The following SERHL2 variants were observed in gnomAD, a reference collection of about 807,000 sequenced individuals.
The protein encoded by SERHL2 is serine hydrolase-like protein 2.
SERHL2 carries 29 observed loss-of-function variants against 25.5 expected under a neutral mutation model. The ratio of observed to expected loss-of-function variants is 1.14; its 90% CI spans 0.85 to 1.55. The LOEUF (loss-of-function observed/expected upper bound fraction) is 1.55, where lower values mean the gene tolerates loss of function less well. Among genes scored for constraint, SERHL2 ranks in the 40% most tolerant of loss-of-function variants. The probability of loss-of-function intolerance (pLI) is 0.00; values close to 1 mark genes in which losing one functional copy is unlikely to be tolerated. For missense variants in SERHL2, 240 were observed against 252.3 expected (o/e 0.95, Z 0.33); for synonymous variants, 95 against 103.5 (o/e 0.92, Z 0.50).
rs770959310 is a variant in SERHL2 at position 42,574,214 on chromosome 22, C to G, written c.*159C>G. The G allele has an allele frequency of 1.6e-6, 1 of 642,986 alleles. No individual in the cohort carries two copies. Among genetic ancestry groups the G allele is most frequent in the East Asian group, 2.8e-5 (1 of 35,674 alleles). 39.8% of individuals were successfully genotyped at this position (642,986 alleles called of 1,614,324 possible). A position where few individuals can be genotyped will look rare whatever the true frequency, so the allele number is the denominator to read the frequency against. Reference sequence around the variant, plus strand: ...GTCAGGGGAAGGAGCGAGATTCCAACTTCAACATCTGTGACCTCAAGGGGG... The same window carrying G: ...GTCAGGGGAAGGAGCGAGATTCCAAGTTCAACATCTGTGACCTCAAGGGGG... On this transcript the variant is annotated 3_prime_UTR_variant, in exon 12 of 12. Transcript: ENST00000327678.
At chr22:42,569,372 C>A (rs1405013347) in intron 9 of SERHL2, 1 of 151,774 alleles carries the variant, frequency 6.6e-6, no homozygotes, top group Non-Finnish European at 1.5e-5. Flanking sequence ...AATTCTCCTG[C>A]CTCAGCCTCC....
intron 10 of SERHL2, 70 bp downstream of exon 10, chr22:42,571,273 G>T (rs1924146727): frequency 6.2e-7 from 1 of 1,600,142 alleles, no homozygotes; most frequent in Non-Finnish European, 8.5e-7. Flanking sequence ...CCGGGAGGGG[G>T]CCCTGGCATG....
chr22:42,566,201 G>C (rs993543029), intron 8 of SERHL2, 103 bp from the exon 9 acceptor site: 8 of 1,154,094 alleles, frequency 6.9e-6, no homozygotes, highest in Non-Finnish European at 1.0e-5. Context: ...GGGAGAAATG[G>C]GCCCTGGCTG....
chr22:42,572,486 C>A lies in SERHL2; in HGVS notation c.782C>A (p.Ser261Tyr). The A allele has an allele frequency of 6.2e-7, 1 of 1,611,940 alleles. No homozygotes were observed. The highest frequency in any genetic ancestry group is 2.2e-5 in the East Asian group (1 of 44,890). The change falls in exon 11 of 12, where the codon TCC (serine) becomes TAC (tyrosine). Residue 261 changes from serine to tyrosine, a missense_variant. By Grantham distance (144) the Ser-to-Tyr change is moderately radical. This residue lies in a region of SERHL2 where 212 missense variants were observed against 168.9 expected (regional missense o/e 1.25). Coordinates refer to ENST00000327678, the MANE Select transcript of SERHL2 (RefSeq NM_014509.5). ...AGACAGAATTACTCTGAGAAGGAGT[C>A]CCTGTCGTTCATGATAGACACGATG... ...DSRQNYSEKE[S>Y]LSFMIDTMKS...
rs757653697 is a variant in SERHL2 at position 42,572,540 on chromosome 22, G to T, written c.825+11G>T. On this transcript the variant is annotated intron_variant, in intron 11 of 11. Coordinates refer to ENST00000327678, the MANE Select transcript of SERHL2 (RefSeq NM_014509.5). Reference sequence around the variant, plus strand: ...TCCACCCTCAAAGAGGTAAGACGGGGCTCAGGCAGCTGGTGTCCAGCCACT... The same window carrying T: ...TCCACCCTCAAAGAGGTAAGACGGGTCTCAGGCAGCTGGTGTCCAGCCACT... The T allele has an allele frequency of 6.2e-7, 1 of 1,610,722 alleles. No homozygotes were observed. The highest frequency in any genetic ancestry group is 8.5e-7 in the Non-Finnish European group (1 of 1,177,712).
rs746005035 is a variant in SERHL2 at position 42,556,551 on chromosome 22, T to C, written c.386T>C (p.Ile129Thr). ...TTCCCCGAGATGGTGGATAAACTTA[T>C]CTTGCTGGACACGCCGCTCTTTCTC... ...CTFPEMVDKLILLDTPLFLLE... is the reference protein window; with the variant it reads ...CTFPEMVDKLTLLDTPLFLLE... Residue 129 changes from isoleucine (I) to threonine (T), a missense_variant, in exon 6 of 12, where the codon ATC (isoleucine) becomes ACC (threonine). Around this residue, in one of 4 missense-constraint regions of SERHL2, gnomAD observed 9 missense variants for 19.5 expected, o/e 0.46. Transcript: ENST00000327678. The C allele has an allele frequency of 1.7e-5, 28 of 1,608,668 alleles. 2 individuals carry two copies. Among genetic ancestry groups the C allele is most frequent in the South Asian group, 1.5e-4 (14 of 90,934 alleles).
In SERHL2 at chr22:42,560,207, C is replaced by T; in HGVS notation, c.555C>T (p.His185=). ...LLQRLLKSNS[H]LSEECGELLL... ...CCAGGTTACTGAAGAGCAATAGCCA[C>T]TTGAGTGAGGAGTGCGGGGAGCTTC... The change falls in exon 8 of 12, where the codon CAC becomes CAT. Residue 185 remains histidine (H), a synonymous_variant. Transcript: ENST00000327678. 6.2e-7 allele frequency: 1 copy of T among 1,612,920 alleles called. No individual in the cohort carries two copies. Among genetic ancestry groups the T allele is most frequent in the Non-Finnish European group, 8.5e-7 (1 of 1,179,148 alleles).
intron 10 of SERHL2, among the ~76,000 whole-genome samples, chr22:42,572,216 G>A (rs137049): frequency 1.3e-5 from 2 of 152,076 alleles, no homozygotes; most frequent in East Asian, 3.9e-4. Flanking sequence ...GAAAGGCTGT[G>A]CCTTCAGCAT....
intron 9 of SERHL2, among the ~76,000 whole-genome samples, chr22:42,566,666 G>T (rs1923435404): frequency 6.6e-6 from 1 of 152,058 alleles, no homozygotes; most frequent in Non-Finnish European, 1.5e-5. Context: ...CGATGGAGGT[G>T]AGGAGAGGAG....
intron 9 of SERHL2, chr22:42,569,583 A>T (rs928548832): frequency 1.3e-5 from 2 of 151,820 alleles, no homozygotes; most frequent in Non-Finnish European, 2.9e-5. Flanking sequence ...TTTAGTAGAG[A>T]CAGGGTCAAG....
intron 10 of SERHL2, chr22:42,571,957 G>A (rs1411714378): frequency 6.7e-6 from 1 of 150,218 alleles, no homozygotes; most frequent in African/African-American, 2.5e-5. Context: ...GGGGTGGGGT[G>A]GGGTGTGTGT....
chr22:42,568,195 T>C (rs1376752403), intron 9 of SERHL2, among the ~76,000 whole-genome samples: 1 of 77,122 alleles, frequency 1.3e-5, no homozygotes, highest in African/African-American at 5.8e-5. Flanking sequence ...AGCTAAATTT[T>C]TTACTTTTGT....
chr22:42,567,085 G>T (rs935630558), intron 9 of SERHL2, among the ~76,000 whole-genome samples: 57 of 152,268 alleles, frequency 3.7e-4, no homozygotes, highest in Admixed American at 7.8e-4. Context: ...CAGTGCTGTC[G>T]CTTCAGGTGC....
At chr22:42,568,484 C>A (rs1172781390) in intron 9 of SERHL2, among the ~76,000 whole-genome samples, 1 of 151,920 alleles carries the variant, frequency 6.6e-6, no homozygotes, top group South Asian at 2.1e-4. Context: ...TGCCCCCTTC[C>A]CTGTCCTTAG....
chr22:42,554,544 G>T (rs530683533), intron 1 of SERHL2, among the ~76,000 whole-genome samples: 1 of 152,262 alleles, frequency 6.6e-6, no homozygotes, highest in Non-Finnish European at 1.5e-5. Context: ...TAGGAAACGG[G>T]CTGTTTCTTT....
chr22:42,560,474 C>T (rs1922554142), intron 8 of SERHL2, among the ~76,000 whole-genome samples: 1 of 151,912 alleles, frequency 6.6e-6, no homozygotes. Context: ...CATACAGTTA[C>T]TGCACATCCC....
intron 8 of SERHL2, chr22:42,565,330 T>A (rs1438510400): frequency 4.5e-5 from 2 of 44,516 alleles, no homozygotes; most frequent in African/African-American, 1.4e-3. Flanking sequence ...CCCTCACATC[T>A]TTTTTTTTTT....
At position 42,572,470 on chromosome 22, in the gene SERHL2, T is replaced by C; in HGVS notation, c.766T>C (p.Tyr256His). 1 of 1,612,040 alleles carries C rather than the reference T, an allele frequency of 6.2e-7. No individual in the cohort carries two copies. Among genetic ancestry groups the C allele is most frequent in the South Asian group, 1.1e-5 (1 of 91,022 alleles). ...VHGYFDSRQN[Y>H]SEKESLSFMI... The stretch of plus-strand genomic sequence containing the variant: ...CGGATATTTTGATTCAAGACAGAAT[T>C]ACTCTGAGAAGGAGTCCCTGTCGTT... Residue 256 changes from tyrosine to histidine, a missense_variant, in exon 11 of 12, where the codon TAC becomes CAC. By Grantham distance (83) the Tyr-to-His change is moderately conservative (BLOSUM62 2). This residue lies in a region of SERHL2 where 212 missense variants were observed against 168.9 expected (regional missense o/e 1.25). Coordinates refer to ENST00000327678, the MANE Select transcript of SERHL2 (RefSeq NM_014509.5).
chr22:42,559,410 A>G lies in SERHL2; in HGVS notation c.534-776A>G, dbSNP rs137020. On this transcript the variant is annotated intron_variant, in intron 7 of 11. Transcript: ENST00000327678. ...GACAAAGTGAGACCCTGTCTCAATT[A>G]GAATACAAGGTCCAGGCACGGTGGC... is the stretch of plus-strand genomic sequence containing the variant. Among the ~76,000 whole-genome samples the G allele has an allele frequency of 5.4e-3, 819 of 151,548 alleles. 9 individuals are homozygous for G. The highest frequency in any genetic ancestry group is 0.019 in the African/African-American group (790 of 41,386).
Sources: gnomAD v4.1 joint callset for allele counts (sites outside exome capture counted in the v4.1 genomes callset) on GRCh38, gnomAD v4.1.1 for gene constraint, gnomAD v4.1.1 regional missense constraint, MANE v1.5 for transcripts, NCBI Gene and HGNC (gene_info 2026-07-23, HGNC 2026-07-21) for gene names.